Variants in MCTP2 observed in about 807,000 individuals in gnomAD.
MCTP2 encodes multiple C2 and transmembrane domain containing 2, also known as multiple C2 and transmembrane domain-containing protein 2.
A neutral mutation model predicts 111.6 loss-of-function variants in MCTP2; 132 were observed. The ratio of observed to expected loss-of-function variants is 1.18; its 90% CI spans 1.03 to 1.37. MCTP2 has a LOEUF of 1.37. MCTP2 is among the 40% of genes most tolerant of loss of function. The pLI, the probability that MCTP2 is intolerant of heterozygous loss-of-function variation, is 0.00. For synonymous variants in MCTP2, 395 were observed against 387.7 expected, an observed-to-expected ratio of 1.02 and a Z score of -0.22; for missense variants, 1,183 against 1,067.9, an observed-to-expected ratio of 1.11 and a Z score of -1.50.
chr15:94,440,041 G>A lies in MCTP2; in HGVS notation c.2086-135G>A, dbSNP rs180701460. 36 of 978,578 alleles carry A rather than the reference G, an allele frequency of 3.7e-5. 1 individual carries two copies. In the South Asian group the frequency reaches 3.9e-4, roughly 11 times the overall value. The allele number at this position is 978,578 out of a possible 1,614,324, so 60.6% of individuals were successfully genotyped here. On this transcript the variant is annotated intron_variant, in intron 17 of 22. Coordinates refer to ENST00000357742, the MANE Select transcript of MCTP2 (RefSeq NM_001385001.1). Reference sequence around the variant, plus strand: ...AATGAGTTGATCATTGTGTGTGTGCGTACCTGTTTGGAAATGTTTCTGAAT... The same window carrying A: ...AATGAGTTGATCATTGTGTGTGTGCATACCTGTTTGGAAATGTTTCTGAAT...
intron 4 of MCTP2, among the ~76,000 whole-genome samples, chr15:94,333,806 G>C (rs2077234996): frequency 6.6e-6 from 1 of 152,216 alleles, no homozygotes; most frequent in Non-Finnish European, 1.5e-5. Context: ...GAAGCAGCCA[G>C]TCCTTATGAG....
intron 1 of MCTP2, among the ~76,000 whole-genome samples, chr15:94,245,448 A>G (rs1182257181): frequency 1.4e-5 from 2 of 139,156 alleles, no homozygotes; most frequent in African/African-American, 2.6e-5. Flanking sequence ...ATACACATAT[A>G]TGTATATGTA....
intron 1 of MCTP2, among the ~76,000 whole-genome samples, chr15:94,247,915 G>A (rs147261593): frequency 6.6e-6 from 1 of 152,272 alleles, no homozygotes. Flanking sequence ...TATCTGTAAT[G>A]TGCCAGGTAT....
chr15:94,393,120 A>G (rs1028662156), intron 14 of MCTP2, among the ~76,000 whole-genome samples: 1 of 152,018 alleles, frequency 6.6e-6, no homozygotes, highest in Admixed American at 6.6e-5. Context: ...ATGAACATAA[A>G]GAAAATTCAT....
intron 1 of MCTP2, among the ~76,000 whole-genome samples, chr15:94,249,041 C>G (rs1351333623): frequency 6.6e-6 from 1 of 152,114 alleles, no homozygotes; most frequent in Non-Finnish European, 1.5e-5. Flanking sequence ...AGATAGATGC[C>G]TGTACTGATT....
At chr15:94,245,331 T>C (rs886218282) in intron 1 of MCTP2, among the ~76,000 whole-genome samples, 3 of 139,612 alleles carry the variant, frequency 2.1e-5, no homozygotes, top group Non-Finnish European at 3.1e-5. Context: ...TTTACATACA[T>C]ATGTGTAGAT....
chr15:94,243,738 C>T (rs867630513), intron 1 of MCTP2, among the ~76,000 whole-genome samples: 6 of 121,600 alleles, frequency 4.9e-5, no homozygotes, highest in Admixed American at 7.8e-5. Flanking sequence ...TATGTGTATA[C>T]ATATATGTAT....
At position 94,345,109 on chromosome 15, in the gene MCTP2, C is replaced by G; in HGVS notation, c.970-20C>G. ...GTTTTATTTTGCCATTTTCACCATT[C>G]CGCGGACACAAATCTTTAGCGTTGG... On this transcript the variant is annotated intron_variant, in intron 7 of 22. Coordinates refer to ENST00000357742, the MANE Select transcript of MCTP2 (RefSeq NM_001385001.1). The G allele has an allele frequency of 3.1e-6, 5 of 1,612,210 alleles. No homozygotes were observed. Among genetic ancestry groups the G allele is most frequent in the Non-Finnish European group, 3.4e-6 (4 of 1,178,684 alleles).
chr15:94,462,500 A>G (rs140744458), intron 20 of MCTP2, among the ~76,000 whole-genome samples: 278 of 152,346 alleles, frequency 1.8e-3, no homozygotes, highest in African/African-American at 6.4e-3. Context: ...CGGATTTTCT[A>G]TAGAAGATGT....
intron 1 of MCTP2, among the ~76,000 whole-genome samples, chr15:94,245,052 A>G (rs1185987261): frequency 1.3e-5 from 2 of 149,944 alleles, no homozygotes; most frequent in African/African-American, 4.9e-5. Context: ...ATATGTATAC[A>G]CATACATATG....
At chr15:94,243,778 CA>C (rs765258435) in intron 1 of MCTP2, among the ~76,000 whole-genome samples, 2 of 143,028 alleles carry the variant, frequency 1.4e-5, no homozygotes, top group Non-Finnish European at 3.1e-5. Flanking sequence ...TATTTATGAA[CA>C]TATATATGTA....
chr15:94,416,104 T>C (rs148395048), intron 17 of MCTP2, among the ~76,000 whole-genome samples: 531 of 152,274 alleles, frequency 3.5e-3, no homozygotes, highest in African/African-American at 0.011. Flanking sequence ...AGTTGCATCA[T>C]TGAGAAGTAA....
In MCTP2 at chr15:94,415,798, T is replaced by C. The variant is rs181423262; in HGVS notation, c.2085+13779T>C. On this transcript the variant is annotated intron_variant, in intron 17 of 22. Coordinates refer to ENST00000357742, the MANE Select transcript of MCTP2 (RefSeq NM_001385001.1). ...TTTGAAAAAAGATCTCCTCTCTGCA[T>C]TGGAGAATCCTAACTCAATCTTGTG... Among the ~76,000 whole-genome samples the C allele has an allele frequency of 1.8e-3, 280 of 152,284 alleles. 1 individual carries two copies. The highest frequency in any genetic ancestry group is 6.1e-3 in the African/African-American group (255 of 41,558).
At chr15:94,462,933 T>C (rs11074278) in intron 20 of MCTP2, among the ~76,000 whole-genome samples, 39,693 of 152,156 alleles carry the variant, frequency 0.26, 5,947 homozygotes, top group Middle Eastern at 0.39. Flanking sequence ...TGACTTGACT[T>C]TCTTCTTGTG....
intron 10 of MCTP2, among the ~76,000 whole-genome samples, chr15:94,359,728 AT>A (rs1204562852): frequency 1.3e-5 from 2 of 152,024 alleles, no homozygotes; most frequent in East Asian, 3.9e-4. Flanking sequence ...AGGAAGTGAA[AT>A]TTTTTTTCAT....
chr15:94,292,464 A>G (rs529622084), intron 1 of MCTP2, among the ~76,000 whole-genome samples: 36 of 152,344 alleles, frequency 2.4e-4, no homozygotes, highest in Non-Finnish European at 4.6e-4. Flanking sequence ...ATTCAATTGT[A>G]TATGTTTATG....
intron 1 of MCTP2, among the ~76,000 whole-genome samples, chr15:94,265,027 GC>G (rs1335920532): frequency 1.3e-5 from 2 of 151,992 alleles, no homozygotes; most frequent in African/African-American, 4.8e-5. Context: ...TTGTTATAGG[GC>G]ACTTTGATGT....
Position 94,402,250 on chromosome 15 carries a change from T to G in MCTP2, c.2085+231T>G, listed in dbSNP as rs1002876082. 1.3e-5 allele frequency: 12 copies of G among 959,932 alleles called. No homozygotes were observed. In the African/African-American group the frequency reaches 2.1e-4, roughly 17 times the overall value. The allele number at this position is 959,932 out of a possible 1,614,324, so 59.5% of individuals were successfully genotyped here. On this transcript the variant is annotated intron_variant, in intron 17 of 22. Transcript: ENST00000357742. ...ATATATGTTTAAATGTTTCTCCAGT[T>G]GTTGTTACAGCTACATTTGTATAGC...
At chr15:94,327,794 A>G (rs74028546) in intron 4 of MCTP2, among the ~76,000 whole-genome samples, 2,478 of 152,310 alleles carry the variant, frequency 0.016, 64 homozygotes, top group African/African-American at 0.054. Context: ...TTGTCCCAAC[A>G]GTCTTTAATG....
Sources: gnomAD v4.1 joint callset for allele counts (sites outside exome capture counted in the v4.1 genomes callset) on GRCh38, gnomAD v4.1.1 for gene constraint, MANE v1.5 for transcripts, NCBI Gene and HGNC (gene_info 2026-07-23, HGNC 2026-07-21) for gene names.